Variants in MARCHF6 observed in about 807,000 individuals in gnomAD.
The protein encoded by MARCHF6 is membrane associated ring-CH-type finger 6, also known as E3 ubiquitin-protein ligase MARCHF6.
In MARCHF6, 31 loss-of-function variants were observed where a neutral mutation model predicts 133.7. That is an observed-to-expected ratio of 0.23 (90% CI 0.17 to 0.31). MARCHF6 has a LOEUF of 0.31. Among genes scored for constraint, MARCHF6 ranks in the 10% least tolerant of loss-of-function variants. The pLI is 1.00. For missense variants in MARCHF6, 723 were observed against 1,121.6 expected (o/e 0.64, Z 5.08); for synonymous variants, 395 against 402.5 (o/e 0.98, Z 0.22).
chr5:10,388,728 TA>T (rs1415239815), intron 5 of MARCHF6, among the ~76,000 whole-genome samples: 8 of 152,182 alleles, frequency 5.3e-5, no homozygotes, highest in Non-Finnish European at 1.5e-5. Flanking sequence ...GGCAGCATTC[TA>T]AAAGGGCAAG....
intron 22 of MARCHF6, among the ~76,000 whole-genome samples, chr5:10,421,286 A>G (rs1227116891): frequency 6.6e-6 from 1 of 152,188 alleles, no homozygotes; most frequent in Admixed American, 6.5e-5. Context: ...ATGTCCACCA[A>G]TAGAGAATGC....
intron 1 of MARCHF6, among the ~76,000 whole-genome samples, chr5:10,369,154 A>C (rs945012488): frequency 6.6e-6 from 1 of 152,190 alleles, no homozygotes; most frequent in South Asian, 2.1e-4. Context: ...GATACTTGTC[A>C]TTGTACCTCA....
intron 1 of MARCHF6, among the ~76,000 whole-genome samples, chr5:10,371,014 G>A (rs1736433621): frequency 6.6e-6 from 1 of 152,296 alleles, no homozygotes; most frequent in South Asian, 2.1e-4. Context: ...GAAGAAGCAT[G>A]ATAAGGTCAA....
At chr5:10,395,875 T>C (rs1378365993) in intron 9 of MARCHF6, among the ~76,000 whole-genome samples, 1 of 152,216 alleles carries the variant, frequency 6.6e-6, no homozygotes, top group Non-Finnish European at 1.5e-5. Context: ...ACATATCTGG[T>C]ATAATTCCAC....
At position 10,357,213 on chromosome 5, in the gene MARCHF6, C is replaced by CT. The variant is rs35082316; in HGVS notation, c.19+3314dup. Among the ~76,000 whole-genome samples the CT allele has an allele frequency of 5.3e-3, 774 of 144,778 alleles. 6 individuals carry two copies. The highest frequency in any genetic ancestry group is 0.016 in the East Asian group (77 of 4,752). 95.0% of individuals were successfully genotyped at this position (144,778 alleles called of 152,430 possible). On this transcript the variant is annotated intron_variant, in intron 1 of 25. Transcript: ENST00000274140. ...AGTCTATCCTTTGGTCAAGGATATACTTTTTTTTTTTTTTTTTTAAAGGAA... is the reference window on the plus strand; with the variant it reads ...AGTCTATCCTTTGGTCAAGGATATACTTTTTTTTTTTTTTTTTTTAAAGGAA...
intron 1 of MARCHF6, among the ~76,000 whole-genome samples, chr5:10,365,643 A>G (rs1308151767): frequency 2.6e-5 from 4 of 152,200 alleles, no homozygotes; most frequent in Non-Finnish European, 5.9e-5. Flanking sequence ...CCAAACCCAC[A>G]TAGTTTGTGT....
At chr5:10,360,437 C>G (rs1212295638) in intron 1 of MARCHF6, among the ~76,000 whole-genome samples, 6 of 152,124 alleles carry the variant, frequency 3.9e-5, no homozygotes, top group Non-Finnish European at 7.4e-5. Flanking sequence ...CCGCGCCCGG[C>G]TGTATGTGGA....
At chr5:10,397,852 T>G (rs1174316773) in intron 10 of MARCHF6, among the ~76,000 whole-genome samples, 2 of 152,180 alleles carry the variant, frequency 1.3e-5, no homozygotes, top group African/African-American at 2.4e-5. Flanking sequence ...TTCCAAGCAC[T>G]TCTGCGAGGG....
chr5:10,391,814 A>G, intron 7 of MARCHF6, 83 bp downstream of exon 7: 1 of 1,316,366 alleles, frequency 7.6e-7, no homozygotes, highest in Non-Finnish European at 9.8e-7. Context: ...TGGCGTTTTC[A>G]AATTTTTAAT....
At chr5:10,369,035 C>T (rs1004707741) in intron 1 of MARCHF6, among the ~76,000 whole-genome samples, 3 of 152,090 alleles carry the variant, frequency 2.0e-5, no homozygotes, top group South Asian at 2.1e-4. Flanking sequence ...GGGAGCCCAG[C>T]TTGATGGAAG....
At chr5:10,401,970 T>C (rs2126762465) in intron 11 of MARCHF6, 89 bp from the exon 12 acceptor site, 1 of 774,194 alleles carries the variant, frequency 1.3e-6, no homozygotes, top group East Asian at 2.6e-5. Context: ...ACAATTCTCT[T>C]TTAGTCATTT....
At chr5:10,401,868 A>G (rs1333597891) in intron 11 of MARCHF6, 191 bp from the exon 12 acceptor site, 2 of 544,530 alleles carry the variant, frequency 3.7e-6, no homozygotes, top group Non-Finnish European at 6.6e-6. Flanking sequence ...TTCATTTTTT[A>G]GTAATATATA....
At position 10,405,687 on chromosome 5, in the gene MARCHF6, T is replaced by A; in HGVS notation, c.1452+10T>A. The A allele has an allele frequency of 6.4e-7, 1 of 1,573,628 alleles. No individual in the cohort carries two copies. The highest frequency in any genetic ancestry group is 8.6e-7 in the Non-Finnish European group (1 of 1,168,824). On this transcript the variant is annotated intron_variant, in intron 16 of 25. Coordinates refer to ENST00000274140, the MANE Select transcript of MARCHF6 (RefSeq NM_005885.4). ...ATTTATTTTGTCAGTGGTAAGAAGA[T>A]GTTTCCATTGTTTTTTTTTTTTGAA... is the stretch of plus-strand genomic sequence containing the variant.
At chr5:10,393,749 T>C (rs144530364) in intron 7 of MARCHF6, among the ~76,000 whole-genome samples, 14 of 152,346 alleles carry the variant, frequency 9.2e-5, no homozygotes, top group Middle Eastern at 3.4e-3. Context: ...AGAATGTCCT[T>C]AGTTCCCTGG....
At chr5:10,368,729 G>A (rs763463856) in intron 1 of MARCHF6, among the ~76,000 whole-genome samples, 29 of 152,050 alleles carry the variant, frequency 1.9e-4, no homozygotes, top group Non-Finnish European at 3.2e-4. Flanking sequence ...ACAGGTGTGC[G>A]CCACCACGTT....
chr5:10,375,496 T>C (rs368486594), intron 1 of MARCHF6, among the ~76,000 whole-genome samples: 1 of 152,232 alleles, frequency 6.6e-6, no homozygotes, highest in South Asian at 2.1e-4. Flanking sequence ...CACCCTCTGC[T>C]CCACGGCGCC....
intron 1 of MARCHF6, among the ~76,000 whole-genome samples, chr5:10,358,637 TG>T (rs1385173455): frequency 2.0e-5 from 3 of 152,220 alleles, no homozygotes; most frequent in Non-Finnish European, 4.4e-5. Context: ...TTGAACTACA[TG>T]GGTCCACTTA....
intron 22 of MARCHF6, among the ~76,000 whole-genome samples, chr5:10,420,486 G>A (rs948205204): frequency 3.9e-5 from 6 of 152,214 alleles, no homozygotes; most frequent in Non-Finnish European, 7.3e-5. Flanking sequence ...ATCAAGCAAA[G>A]TACTGCTGCA....
chr5:10,390,564 G>C (rs1737764425), intron 6 of MARCHF6, 64 bp downstream of exon 6: 1 of 1,444,754 alleles, frequency 6.9e-7, no homozygotes, highest in South Asian at 1.3e-5. Flanking sequence ...GTTTCTCTCT[G>C]AGACTCAAAC....
Sources: allele counts gnomAD v4.1 joint callset (sites outside exome capture counted in the v4.1 genomes callset), GRCh38; gene constraint gnomAD v4.1.1; transcripts MANE v1.5; gene names NCBI Gene and HGNC (gene_info 2026-07-23, HGNC 2026-07-21).